EPB41L1: variants seen among roughly 807,000 people sequenced by gnomAD.
The protein encoded by EPB41L1 is band 4.1-like protein 1.
Under a neutral mutation model 97.8 loss-of-function variants are expected in EPB41L1, and 29 were observed. The observed-to-expected ratio is 0.30, with a 90% CI of 0.22 to 0.40. The LOEUF is 0.40. Among genes scored for constraint, EPB41L1 ranks in the 10% least tolerant of loss-of-function variants. EPB41L1 has a pLI of 1.00. For missense variants in EPB41L1, 812 were observed against 1,162.3 expected (o/e 0.70, Z 4.38); for synonymous variants, 383 against 459.2 (o/e 0.83, Z 2.12).
intron 14 of EPB41L1, among the ~76,000 whole-genome samples, chr20:36,202,183 A>G (rs761666845): frequency 2.6e-5 from 4 of 152,082 alleles, no homozygotes; most frequent in Non-Finnish European, 5.9e-5. Context: ...AGAGCCCACA[A>G]CCTGCACCCC....
At chr20:36,109,376 T>G (rs1342859411) in intron 1 of EPB41L1, among the ~76,000 whole-genome samples, 1 of 152,222 alleles carries the variant, frequency 6.6e-6, no homozygotes, top group Non-Finnish European at 1.5e-5. Flanking sequence ...ATCTGCAAAC[T>G]GAGACTAATG....
At chr20:36,109,870 C>G (rs1269910754) in intron 1 of EPB41L1, 1 of 152,068 alleles carries the variant, frequency 6.6e-6, no homozygotes, top group African/African-American at 2.4e-5. Flanking sequence ...CAGCACCTGA[C>G]CAGAAATCCA....
chr20:36,095,941 G>A (rs968641508), intron 1 of EPB41L1, among the ~76,000 whole-genome samples: 1 of 151,810 alleles, frequency 6.6e-6, no homozygotes, highest in African/African-American at 2.4e-5. Flanking sequence ...CAGGAGAATC[G>A]CTTGAACCCA....
intron 8 of EPB41L1, 80 bp downstream of exon 8, chr20:36,187,843 G>C: frequency 1.6e-6 from 2 of 1,250,706 alleles, no homozygotes; most frequent in Non-Finnish European, 2.3e-6. Flanking sequence ...AGGGCGTGGT[G>C]TGCCAGACCC....
chr20:36,154,822 G>A lies in EPB41L1; in HGVS notation c.-89G>A. ...CCGCGACCCCGCGCCGCCCCGCCCCGCGGCCTGCCTGCCAGAGGAGCCGAG... is the reference window on the plus strand; with the variant it reads ...CCGCGACCCCGCGCCGCCCCGCCCCACGGCCTGCCTGCCAGAGGAGCCGAG... On this transcript the variant is annotated 5_prime_UTR_variant, in exon 1 of 22. Coordinates refer to ENST00000338074, the MANE Select transcript of EPB41L1 (RefSeq NM_012156.2). The surrounding 1 kb of genome is among the most constrained non-coding windows in gnomAD (Gnocchi z 5.5). The A allele has an allele frequency of 1.0e-6, 1 of 992,588 alleles. No individual in the cohort carries two copies. Among genetic ancestry groups the A allele is most frequent in the African/African-American group, 1.7e-5 (1 of 57,354 alleles). 61.5% of individuals were successfully genotyped at this position (992,588 alleles called of 1,614,324 possible).
chr20:36,168,678 C>G (rs547057690), intron 1 of EPB41L1, among the ~76,000 whole-genome samples: 1 of 151,800 alleles, frequency 6.6e-6, no homozygotes, highest in Non-Finnish European at 1.5e-5. Context: ...TACAGCCTCC[C>G]GAGTAGCTGG....
Position 36,173,840 on chromosome 20 carries a change from GCCCGAGGCTGCTGCCGCTGTGACCAC to G in EPB41L1, c.67_92del (p.Glu23CysfsTer15). On this transcript the variant is annotated frameshift_variant, in exon 2 of 22. Coordinates refer to ENST00000338074, the MANE Select transcript of EPB41L1 (RefSeq NM_012156.2). LOFTEE classifies it high-confidence loss of function. ...AAGCTCAGGAGGAGGCCCCGCAGCA[GCCCGAGGCTGCTGCCGCTGTGACCAC>G]CCCTGTGACCCCTGCAGGCCACGGC... is the stretch of plus-strand genomic sequence containing the variant. The G allele has an allele frequency of 1.2e-6, 2 of 1,613,304 alleles. No individual in the cohort carries two copies. Among genetic ancestry groups the G allele is most frequent in the Non-Finnish European group, 1.7e-6 (2 of 1,179,514 alleles).
chr20:36,158,042 T>C (rs1367804832), intron 1 of EPB41L1, among the ~76,000 whole-genome samples: 2 of 152,184 alleles, frequency 1.3e-5, no homozygotes, highest in Non-Finnish European at 2.9e-5. Flanking sequence ...CACAAAGCCC[T>C]GTGAGGTGTA....
chr20:36,202,532 G>A (rs1289319065), intron 14 of EPB41L1, among the ~76,000 whole-genome samples: 3 of 152,052 alleles, frequency 2.0e-5, no homozygotes, highest in East Asian at 1.9e-4. Context: ...GGTGGCTCAC[G>A]CCTGTAATTC....
intron 1 of EPB41L1, among the ~76,000 whole-genome samples, chr20:36,105,084 G>A (rs1325126676): frequency 2.0e-5 from 3 of 152,184 alleles, no homozygotes; most frequent in African/African-American, 7.2e-5. Flanking sequence ...CACATAGGTG[G>A]GAACCAGGGG....
chr20:36,157,750 C>G (rs918852057), intron 1 of EPB41L1, among the ~76,000 whole-genome samples: 7 of 152,156 alleles, frequency 4.6e-5, no homozygotes, highest in Non-Finnish European at 4.4e-5. Context: ...GGCCAGGGTC[C>G]CCCAGAAGTG....
chr20:36,142,583 C>A (rs1358785703), intron 2 of EPB41L1, among the ~76,000 whole-genome samples: 1 of 152,310 alleles, frequency 6.6e-6, no homozygotes, highest in African/African-American at 2.4e-5. Flanking sequence ...ATCTTAATAA[C>A]CCGGCAGCGG....
rs1683496778 is a variant in EPB41L1, at chr20:36,190,534, A to G, written c.1125-88A>G. 1.3e-6 allele frequency: 2 copies of G among 1,571,834 alleles called. No individual in the cohort carries two copies. Among genetic ancestry groups the G allele is most frequent in the Non-Finnish European group, 1.7e-6 (2 of 1,146,636 alleles). ...TTTGAATTGTTGTAGTTGGTGGAGT[A>G]GTGGGATGAAAGGCCAGCTGTGGTC... On this transcript the variant is annotated intron_variant, in intron 10 of 21. Coordinates refer to ENST00000338074, the MANE Select transcript of EPB41L1 (RefSeq NM_012156.2). This position sits in a 1 kb window ranked among gnomAD's most constrained non-coding sequence, Gnocchi z 5.8.
At chr20:36,178,532 G>A (rs1033383667) in intron 4 of EPB41L1, 98 bp from the exon 5 acceptor site, 3 of 1,232,950 alleles carry the variant, frequency 2.4e-6, no homozygotes, top group African/African-American at 3.0e-5. Flanking sequence ...TTCCCTACAA[G>A]GGGCTGCTGA....
intron 1 of EPB41L1, among the ~76,000 whole-genome samples, chr20:36,099,991 T>C (rs1311049595): frequency 6.6e-6 from 1 of 152,172 alleles, no homozygotes; most frequent in East Asian, 1.9e-4. Context: ...GGTTGTTCTG[T>C]TATCACTCTG....
Position 36,125,011 on chromosome 20 carries a change from G to A in EPB41L1, c.-10+12531G>A, listed in dbSNP as rs2058905115. Among the ~76,000 whole-genome samples the A allele has an allele frequency of 4.6e-5, 7 of 152,278 alleles. No individual in the cohort carries two copies. The South Asian group carries it at 1.5e-3, about 32-fold the overall frequency. On this transcript the variant is annotated intron_variant, in intron 2 of 19. Coordinates refer to the EPB41L1 transcript ENST00000202028. ...GGGGTCCCTGATGCTCAGCCAAAGA[G>A]TTTAGACTTCCTGAAAGAGTAGCTG...
intron 21 of EPB41L1, among the ~76,000 whole-genome samples, chr20:36,223,417 T>C (rs917061438): frequency 2.6e-5 from 4 of 152,228 alleles, no homozygotes. Flanking sequence ...GGGCCATCAA[T>C]GCTTTGGTGA....
intron 1 of EPB41L1, among the ~76,000 whole-genome samples, chr20:36,102,006 A>AAAAAG (rs1569010837): frequency 2.2e-5 from 3 of 137,564 alleles, no homozygotes. Flanking sequence ...CTCTGTCTCA[A>AAAAAG]AAAACAAAAC....
At chr20:36,101,738 A>G (rs1428417509) in intron 1 of EPB41L1, among the ~76,000 whole-genome samples, 1 of 152,080 alleles carries the variant, frequency 6.6e-6, no homozygotes, top group African/African-American at 2.4e-5. Flanking sequence ...CCTGTGTGCC[A>G]TGGCTCATGC....
Sources: allele counts gnomAD v4.1 joint callset (sites outside exome capture counted in the v4.1 genomes callset), GRCh38; gene constraint gnomAD v4.1.1; non-coding constraint Gnocchi (gnomAD v3.1); transcripts MANE v1.5; gene names NCBI Gene and HGNC (gene_info 2026-07-23, HGNC 2026-07-21).